The following MFAP3L variants were observed in gnomAD, a reference collection of about 807,000 sequenced individuals.
The protein encoded by MFAP3L is microfibrillar-associated protein 3-like.
Under a neutral mutation model 20.0 loss-of-function variants are expected in MFAP3L, and 5 were observed. The ratio of observed to expected loss-of-function variants is 0.25; its 90% CI spans 0.13 to 0.53. The LOEUF is 0.53. Ranked by LOEUF, MFAP3L falls within the 20% of genes least tolerant of loss-of-function variation. The pLI, the probability that MFAP3L is intolerant of heterozygous loss-of-function variation, is 0.96. For synonymous variants in MFAP3L, 219 were observed against 213.0 expected (o/e 1.03, Z -0.25); for missense variants, 409 against 527.5 (o/e 0.78, Z 2.20).
Position 169,990,585 on chromosome 4 carries a change from A to C in MFAP3L, c.*793T>G, listed in dbSNP as rs138187335. 6.5e-6 allele frequency: 1 copy of C among 152,746 alleles called. No homozygotes were observed. The highest frequency in any genetic ancestry group is 1.9e-4 in the East Asian group (1 of 5,178). 9.5% of individuals were successfully genotyped at this position (152,746 alleles called of 1,614,324 possible). On this transcript the variant is annotated 3_prime_UTR_variant, in exon 3 of 3. Transcript: ENST00000361618. ...CTCTACATCTCAGCTGAGCTCACCAAAAGGCTCACTCAATCAGACAGGTAA... is the reference window on the plus strand; with the variant it reads ...CTCTACATCTCAGCTGAGCTCACCACAAGGCTCACTCAATCAGACAGGTAA...
chr4:170,005,408 A>T, intron 2 of MFAP3L, 172 bp downstream of exon 2: 1 of 766,878 alleles, frequency 1.3e-6, no homozygotes, highest in Non-Finnish European at 2.1e-6. Flanking sequence ...GAAAAAAATG[A>T]ATTAATTGCT....
At position 169,986,842 on chromosome 4, in the gene MFAP3L, A is replaced by T. The variant is rs542139307; in HGVS notation, c.*4536T>A. 6.6e-6 allele frequency: 1 copy of T among 152,370 alleles called. No homozygotes were observed. Among genetic ancestry groups the T allele is most frequent in the South Asian group, 2.1e-4 (1 of 4,832 alleles). The allele number at this position is 152,370 out of a possible 1,614,324, so 9.4% of individuals were successfully genotyped here. ...TACTGAAATACAACAAACGAAATCT[A>T]AGTGCAAGCATCTTCCTTGATTCTC... On this transcript the variant is annotated 3_prime_UTR_variant, in exon 3 of 3. Coordinates refer to ENST00000361618, the MANE Select transcript of MFAP3L (RefSeq NM_021647.8).
intron 1 of MFAP3L, among the ~76,000 whole-genome samples, chr4:170,024,899 G>A (rs1740256108): frequency 6.6e-6 from 1 of 152,172 alleles, no homozygotes; most frequent in South Asian, 2.1e-4. Flanking sequence ...CATTTCTAAA[G>A]TCTATTAAGG....
In MFAP3L at chr4:169,998,188, C is replaced by T. The variant is rs146617461; in HGVS notation, c.299-5879G>A. Reference sequence around the variant, plus strand: ...GGTGCTCGCCATGGTGGCATGCCCACGTGGTATGGCCCAATGTCTCCTCAA... The same window carrying T: ...GGTGCTCGCCATGGTGGCATGCCCATGTGGTATGGCCCAATGTCTCCTCAA... On this transcript the variant is annotated intron_variant, in intron 2 of 2. Coordinates refer to ENST00000361618, the MANE Select transcript of MFAP3L (RefSeq NM_021647.8). Among the ~76,000 whole-genome samples, 96 of 152,338 alleles carry T rather than the reference C, an allele frequency of 6.3e-4. 1 individual carries two copies. The highest frequency in any genetic ancestry group is 5.4e-3 in the East Asian group (28 of 5,182).
chr4:170,021,075 G>C (rs1262743351), intron 1 of MFAP3L, among the ~76,000 whole-genome samples: 1 of 152,072 alleles, frequency 6.6e-6, no homozygotes, highest in Non-Finnish European at 1.5e-5. Flanking sequence ...CAAGACAAGA[G>C]ACCCGGGTTA....
chr4:169,994,172 T>A (rs1737957474), intron 2 of MFAP3L: 1 of 984,840 alleles, frequency 1.0e-6, no homozygotes, highest in Non-Finnish European at 1.2e-6. Flanking sequence ...ACTTACAGGC[T>A]ATGCTTGTAG....
chr4:169,995,816 T>C lies in MFAP3L; in HGVS notation c.299-3507A>G, dbSNP rs186892277. On this transcript the variant is annotated intron_variant, in intron 2 of 2. Coordinates refer to ENST00000361618, the MANE Select transcript of MFAP3L (RefSeq NM_021647.8). ...TGCACTGAATGTTCATGAAGCTGCA[T>C]TGCTTCAGCACAAATAAAACCCAAA... Among the ~76,000 whole-genome samples, 528 of 152,302 alleles carry C rather than the reference T, an allele frequency of 3.5e-3. 5 individuals are homozygous for C. The highest frequency in any genetic ancestry group is 0.012 in the African/African-American group (509 of 41,566).
intron 2 of MFAP3L, among the ~76,000 whole-genome samples, chr4:170,002,844 TA>T (rs200565141): frequency 2.2e-4 from 31 of 143,750 alleles, no homozygotes; most frequent in Admixed American, 3.5e-4. Flanking sequence ...CCTCTTTATT[TA>T]AAAAAAAAAA....
intron 2 of MFAP3L, among the ~76,000 whole-genome samples, chr4:169,998,028 T>A (rs1037000526): frequency 1.3e-5 from 2 of 152,014 alleles, no homozygotes; most frequent in African/African-American, 4.8e-5. Flanking sequence ...GTAATAATAA[T>A]AAAAAAAATC....
At chr4:170,024,319 C>T (rs1025709707) in intron 1 of MFAP3L, among the ~76,000 whole-genome samples, 6 of 151,984 alleles carry the variant, frequency 3.9e-5, no homozygotes, top group Admixed American at 2.6e-4. Flanking sequence ...GAGAAGGGGG[C>T]CTATTGATCT....
chr4:170,024,931 T>G (rs1046927474), intron 1 of MFAP3L, among the ~76,000 whole-genome samples: 3 of 152,252 alleles, frequency 2.0e-5, no homozygotes, highest in Non-Finnish European at 4.4e-5. Flanking sequence ...TGTAAACAAT[T>G]GTTTTGTAAT....
At chr4:170,014,933 A>AT (rs1396802134) in intron 1 of MFAP3L, among the ~76,000 whole-genome samples, 2 of 152,232 alleles carry the variant, frequency 1.3e-5, no homozygotes, top group Non-Finnish European at 2.9e-5. Context: ...GATAGTATTA[A>AT]TAGTACCCAA....
rs1403846032 is a variant in MFAP3L, at chr4:169,987,069, A to G, written c.*4309T>C. ...AAAAAATCTGTTAAAGATCATTATC[A>G]TCCTCATATGATATCTTCGTGAATA... is the stretch of plus-strand genomic sequence containing the variant. On this transcript the variant is annotated 3_prime_UTR_variant, in exon 3 of 3. Transcript: ENST00000361618. 6.6e-6 allele frequency: 1 copy of G among 152,228 alleles called. No homozygotes were observed. The highest frequency in any genetic ancestry group is 1.5e-5 in the Non-Finnish European group (1 of 68,032). The allele number at this position is 152,228 out of a possible 1,614,324, so 9.4% of individuals were successfully genotyped here.
Position 170,026,287 on chromosome 4 carries a change from C to G in MFAP3L, c.-187G>C, listed in dbSNP as rs1730404688. The G allele has an allele frequency of 1.0e-6, 1 of 984,052 alleles. No homozygotes were observed. Among genetic ancestry groups the G allele is most frequent in the African/African-American group, 1.8e-5 (1 of 57,114 alleles). The allele number at this position is 984,052 out of a possible 1,614,324, so 61.0% of individuals were successfully genotyped here. A position where few individuals can be genotyped will look rare whatever the true frequency, so the allele number is the denominator to read the frequency against. On this transcript the variant is annotated 5_prime_UTR_variant, in exon 1 of 3. Transcript: ENST00000361618. The stretch of plus-strand genomic sequence containing the variant: ...GCCGTGCACCCCTCGCCATGGCCAG[C>G]CCGACAGCGGCCGCTGCGCCGCACT...
chr4:169,992,284 G>A lies in MFAP3L; in HGVS notation c.324C>T (p.Gly108=). The A allele has an allele frequency of 6.2e-7, 1 of 1,610,954 alleles. No individual in the cohort carries two copies. Among genetic ancestry groups the A allele is most frequent in the Non-Finnish European group, 8.5e-7 (1 of 1,178,012 alleles). ...AGGATACCTTGGTGATGTTCAGGAG[G>A]CCGCTGTCGTGCATTTGCCATTTTC... ...GGGKWQMHDS[G]LLNITKVSFS... is the part of the protein sequence containing the mutation. Residue 108 remains glycine (G), a synonymous_variant, in exon 3 of 3, where the codon GGC becomes GGT. Transcript: ENST00000361618. The surrounding 1 kb of genome is among the most constrained non-coding windows in gnomAD (Gnocchi z 4.3).
chr4:170,018,700 A>G (rs1739847398), intron 1 of MFAP3L, among the ~76,000 whole-genome samples: 1 of 151,542 alleles, frequency 6.6e-6, no homozygotes, highest in African/African-American at 2.4e-5. Context: ...GGAGAAAAAC[A>G]GGTTACCTTT....
intron 2 of MFAP3L, among the ~76,000 whole-genome samples, chr4:169,998,247 G>C (rs772682989): frequency 2.6e-5 from 4 of 152,362 alleles, no homozygotes; most frequent in Admixed American, 2.0e-4. Flanking sequence ...CTGGCAATGA[G>C]AGAACAGATC....
At chr4:169,995,709 C>G (rs1300094730) in intron 2 of MFAP3L, among the ~76,000 whole-genome samples, 2 of 152,144 alleles carry the variant, frequency 1.3e-5, no homozygotes, top group Admixed American at 1.3e-4. Flanking sequence ...CACAGATCTT[C>G]GGGGCTTTAC....
Position 169,991,206 on chromosome 4 carries a change from G to A in MFAP3L, c.*172C>T, listed in dbSNP as rs2110900955. On this transcript the variant is annotated 3_prime_UTR_variant, in exon 3 of 3. Transcript: ENST00000361618. This position sits in a 1 kb window ranked among gnomAD's most constrained non-coding sequence, Gnocchi z 4.9. ...GTTTCTCGCACCCTTCTCTACTGGG[G>A]AAATTCCAGTCCCATTCACTGCAGG... The A allele has an allele frequency of 3.0e-6, 2 of 670,272 alleles. No homozygotes were observed. Among genetic ancestry groups the A allele is most frequent in the South Asian group, 2.0e-5 (1 of 49,944 alleles). 41.5% of individuals were successfully genotyped at this position (670,272 alleles called of 1,614,324 possible). A position where few individuals can be genotyped will look rare whatever the true frequency, so the allele number is the denominator to read the frequency against.
Sources: gnomAD v4.1 joint callset for allele counts (sites outside exome capture counted in the v4.1 genomes callset) on GRCh38, gnomAD v4.1.1 for gene constraint, Gnocchi (gnomAD v3.1) non-coding constraint, MANE v1.5 for transcripts, NCBI Gene and HGNC (gene_info 2026-07-23, HGNC 2026-07-21) for gene names.